The following OR7E24 variants were observed in gnomAD, a reference collection of about 807,000 sequenced individuals.
OR7E24 encodes olfactory receptor 7E24.
For synonymous variants in OR7E24, 130 were observed against 157.5 expected, an observed-to-expected ratio of 0.83 and a Z score of 1.31; for missense variants, 385 against 410.3, an observed-to-expected ratio of 0.94 and a Z score of 0.53.
chr19:9,229,432 G>T, the OR7E24 span, among the ~76,000 whole-genome samples: 2 of 151,796 alleles, frequency 1.3e-5, no homozygotes, highest in Non-Finnish European at 2.9e-5. Context: ...CTACTCAGGA[G>T]ACTGAGGCAG....
chr19:9,233,893 G>A, the OR7E24 span, among the ~76,000 whole-genome samples: 1 of 144,360 alleles, frequency 6.9e-6, no homozygotes, highest in Non-Finnish European at 1.5e-5. Flanking sequence ...AGCTAAGAGG[G>A]TTTACATGTC....
At chr19:9,239,234 A>G in the OR7E24 span, among the ~76,000 whole-genome samples, 4 of 151,776 alleles carry the variant, frequency 2.6e-5, no homozygotes, top group African/African-American at 7.3e-5. Context: ...CAGTGATGCA[A>G]TCTTGGCTCA....
chr19:9,209,973 T>G, the OR7E24 span: 1 of 152,208 alleles, frequency 6.6e-6, no homozygotes, highest in Non-Finnish European at 1.5e-5. Context: ...ATATTTCTAT[T>G]GAACAAGTTC....
At chr19:9,218,883 C>T in the OR7E24 span, among the ~76,000 whole-genome samples, 2 of 152,090 alleles carry the variant, frequency 1.3e-5, no homozygotes, top group Admixed American at 6.5e-5. Context: ...ATCTGCCCGC[C>T]TCGGCCTCCC....
the OR7E24 span, among the ~76,000 whole-genome samples, chr19:9,238,787 G>C: frequency 6.6e-6 from 1 of 152,154 alleles, no homozygotes; most frequent in East Asian, 1.9e-4. Flanking sequence ...GTCAAGCCGT[G>C]CGTGGTTTAT....
the OR7E24 span, among the ~76,000 whole-genome samples, chr19:9,220,798 TA>T: frequency 1.3e-5 from 2 of 152,184 alleles, no homozygotes; most frequent in Non-Finnish European, 2.9e-5. Context: ...CTCTTTTCCA[TA>T]ATGGTTGTAC....
the OR7E24 span, chr19:9,214,777 G>A: frequency 6.2e-7 from 1 of 1,613,758 alleles, no homozygotes; most frequent in Admixed American, 1.7e-5. Flanking sequence ...TGCAGTTCAG[G>A]ATCATCTGAG....
chr19:9,215,127 G>A, the OR7E24 span, among the ~76,000 whole-genome samples: 1 of 151,990 alleles, frequency 6.6e-6, no homozygotes, highest in Non-Finnish European at 1.5e-5. Context: ...GGCAGATCAC[G>A]AGGTCAAGAG....
upstream of OR7E24, among the ~76,000 whole-genome samples, chr19:9,249,269 G>C (rs772522843): frequency 2.0e-5 from 3 of 152,166 alleles, no homozygotes; most frequent in Non-Finnish European, 4.4e-5. Flanking sequence ...CCCAGAGCCT[G>C]TATCTTGCTT....
upstream of OR7E24, among the ~76,000 whole-genome samples, chr19:9,249,814 A>G (rs958736207): frequency 1.3e-5 from 2 of 151,970 alleles, no homozygotes; most frequent in African/African-American, 4.8e-5. Context: ...TCAGCTGTGC[A>G]TGGTGGGGCG....
Position 9,252,023 on chromosome 19 carries a change from T to G in OR7E24, c.980T>G (p.Ile327Ser). ...CTGTGCAGGCTGCATGGCAGAATCA[T>G]CAAATCTCATCATCTCCATCCTTTT... ...SALCRLHGRI[I>S]KSHHLHPFCY... The change falls in exon 1 of 1, where the codon ATC becomes AGC. Residue 327 changes from isoleucine to serine, a missense_variant. Physicochemically the swap from Ile to Ser is moderately radical, Grantham distance 142 (BLOSUM62 -2). Transcript: ENST00000456448. The G allele has an allele frequency of 6.2e-7, 1 of 1,614,106 alleles. No homozygotes were observed. Among genetic ancestry groups the G allele is most frequent in the South Asian group, 1.1e-5 (1 of 91,068 alleles).
chr19:9,233,477 A>G, the OR7E24 span, among the ~76,000 whole-genome samples: 7 of 152,308 alleles, frequency 4.6e-5, no homozygotes, highest in African/African-American at 1.4e-4. Flanking sequence ...CTTGTGTTTT[A>G]TTTTAATGGC....
chr19:9,235,832 C>T, the OR7E24 span: 1 of 1,611,068 alleles, frequency 6.2e-7, no homozygotes, highest in Non-Finnish European at 8.5e-7. Flanking sequence ...AGAATGTCCT[C>T]CACCGAGGGC....
At chr19:9,228,752 A>C in the OR7E24 span, among the ~76,000 whole-genome samples, 2 of 152,212 alleles carry the variant, frequency 1.3e-5, no homozygotes, top group Admixed American at 6.6e-5. Context: ...AATGCCAGGG[A>C]CTGAAAAGGG....
chr19:9,212,625 GTA>G, the OR7E24 span: 1 of 152,118 alleles, frequency 6.6e-6, no homozygotes, highest in Admixed American at 6.6e-5. Context: ...TATAGGGCTT[GTA>G]TTTCAAAGGG....
At chr19:9,246,073 T>C (rs2066128688), upstream of OR7E24, among the ~76,000 whole-genome samples, 1 of 132,898 alleles carries the variant, frequency 7.5e-6, no homozygotes, top group Non-Finnish European at 1.6e-5. Flanking sequence ...TTTTTTTTTT[T>C]TTTTTTTTTT....
chr19:9,242,895 T>A (rs2066120021), upstream of OR7E24, among the ~76,000 whole-genome samples: 1 of 151,850 alleles, frequency 6.6e-6, no homozygotes, highest in Non-Finnish European at 1.5e-5. Flanking sequence ...CCTCATTCCC[T>A]CCTCTTTCTT....
chr19:9,215,635 A>G, the OR7E24 span, among the ~76,000 whole-genome samples: 17 of 152,262 alleles, frequency 1.1e-4, no homozygotes, highest in South Asian at 1.4e-3. Context: ...TTAAAATTAA[A>G]TTATTGATAT....
the OR7E24 span, chr19:9,212,283 G>A: frequency 6.6e-6 from 1 of 152,026 alleles, no homozygotes; most frequent in South Asian, 2.1e-4. Flanking sequence ...CTGTCGCCCA[G>A]GCTGGAGTGC....
Sources: allele counts gnomAD v4.1 joint callset (sites outside exome capture counted in the v4.1 genomes callset), GRCh38; gene constraint gnomAD v4.1.1; transcripts MANE v1.5; gene names NCBI Gene and HGNC (gene_info 2026-07-23, HGNC 2026-07-21).